The following RAB6A variants were observed in gnomAD, a reference collection of about 807,000 sequenced individuals.
RAB6A encodes ras-related protein Rab-6A.
A neutral mutation model predicts 32.3 loss-of-function variants in RAB6A; 8 were observed. The ratio of observed to expected loss-of-function variants is 0.25; its 90% CI spans 0.15 to 0.45. The LOEUF is 0.45. Ranked by LOEUF, RAB6A falls within the 20% of genes least tolerant of loss-of-function variation. RAB6A has a pLI of 1.00. For synonymous variants in RAB6A, 73 were observed against 82.1 expected, an observed-to-expected ratio of 0.89 and a Z score of 0.60; for missense variants, 104 against 249.4, an observed-to-expected ratio of 0.42 and a Z score of 3.93.
rs185227058 is a variant in RAB6A, at chr11:73,712,511, C to T, written c.401+3740G>A. 9.2e-3 allele frequency among the ~76,000 whole-genome samples: 1,393 copies of T among 151,974 alleles called. 16 individuals are homozygous for T. The highest frequency in any genetic ancestry group is 0.034 in the Middle Eastern group (10 of 294). ...GATTACAGGCACATGCCACCACGCC[C>T]GGCTAATTTTTGTATTTTTAGTAGA... On this transcript the variant is annotated intron_variant, in intron 5 of 7. Transcript: ENST00000336083.
At chr11:73,695,923 G>A (rs1016950037) in intron 6 of RAB6A, among the ~76,000 whole-genome samples, 1 of 152,026 alleles carries the variant, frequency 6.6e-6, no homozygotes, top group African/African-American at 2.4e-5. Flanking sequence ...CATAATTTTA[G>A]GGCTAAAAAT....
chr11:73,724,330 A>C (rs564023536), intron 2 of RAB6A, among the ~76,000 whole-genome samples: 2 of 152,332 alleles, frequency 1.3e-5, no homozygotes, highest in Admixed American at 6.5e-5. Context: ...TCACAAACTG[A>C]CTAAAAGTAA....
intron 6 of RAB6A, among the ~76,000 whole-genome samples, chr11:73,692,719 C>A (rs1483171944): frequency 7.3e-6 from 1 of 137,676 alleles, no homozygotes; most frequent in Non-Finnish European, 1.5e-5. Flanking sequence ...GGGAGGCGGG[C>A]GGATCACAAG....
chr11:73,739,263 T>TTAA lies in RAB6A; in HGVS notation c.71-8441_71-8440insTTA, dbSNP rs1555066890. Among the ~76,000 whole-genome samples, 58 of 9,388 alleles carry TTAA rather than the reference T, an allele frequency of 6.2e-3. 2 individuals are homozygous for TTAA. The highest frequency in any genetic ancestry group is 0.013 in the African/African-American group (36 of 2,802). 6.2% of individuals were successfully genotyped at this position (9,388 alleles called of 152,430 possible). ...GCAAAAAAAAAATAGTAATAATAAT[T>TTAA]AAAAAAAAAAAAAAAAAAAAAATAT... On this transcript the variant is annotated intron_variant, in intron 1 of 7. Coordinates refer to ENST00000336083, the MANE Select transcript of RAB6A (RefSeq NM_198896.2).
intron 6 of RAB6A, among the ~76,000 whole-genome samples, chr11:73,694,357 G>T (rs2134891405): frequency 6.6e-6 from 1 of 152,274 alleles, no homozygotes; most frequent in East Asian, 1.9e-4. Flanking sequence ...TAAGGCTAAA[G>T]AATTTGCCAT....
chr11:73,721,779 C>T (rs1226187375), intron 2 of RAB6A, among the ~76,000 whole-genome samples: 5 of 151,950 alleles, frequency 3.3e-5, no homozygotes, highest in African/African-American at 9.7e-5. Flanking sequence ...TATCTTTGTG[C>T]CATATTCCTT....
At chr11:73,709,578 A>G (rs1201074500) in intron 5 of RAB6A, among the ~76,000 whole-genome samples, 1 of 149,900 alleles carries the variant, frequency 6.7e-6, no homozygotes, top group Admixed American at 6.7e-5. Flanking sequence ...TGAATCTGAC[A>G]TAACCTCAAT....
intron 6 of RAB6A, among the ~76,000 whole-genome samples, chr11:73,701,246 C>T (rs72974866): frequency 0.095 from 14,414 of 152,156 alleles, 813 homozygotes; most frequent in South Asian, 0.27. Context: ...GGTAAAAAGG[C>T]ATGATTTTGT....
At chr11:73,712,742 G>C (rs202181959) in intron 5 of RAB6A, among the ~76,000 whole-genome samples, 1 of 51,108 alleles carries the variant, frequency 2.0e-5, no homozygotes, top group Non-Finnish European at 4.4e-5. Context: ...TTTTTTTTTT[G>C]ACAGTTTCAC....
intron 2 of RAB6A, chr11:73,730,257 A>G (rs1032599419): frequency 6.5e-6 from 1 of 152,770 alleles, no homozygotes; most frequent in African/African-American, 2.4e-5. Context: ...CTTTAGTTGT[A>G]TACCATAAGT....
intron 6 of RAB6A, among the ~76,000 whole-genome samples, chr11:73,703,363 A>T (rs1397675876): frequency 6.6e-6 from 1 of 150,550 alleles, no homozygotes; most frequent in African/African-American, 2.4e-5. Flanking sequence ...AGAATCTGCT[A>T]AAAAAAAATA....
At chr11:73,751,631 T>C (rs1332400247) in intron 1 of RAB6A, among the ~76,000 whole-genome samples, 2 of 152,170 alleles carry the variant, frequency 1.3e-5, no homozygotes, top group Admixed American at 6.6e-5. Flanking sequence ...TAGAAGATAA[T>C]GCTGCTGAGA....
intron 4 of RAB6A, among the ~76,000 whole-genome samples, chr11:73,716,626 A>C (rs1464470813): frequency 6.6e-6 from 1 of 151,294 alleles, no homozygotes; most frequent in Non-Finnish European, 1.5e-5. Flanking sequence ...ACAATGTAGT[A>C]TTTAATTGAA....
rs752325244 is a variant in RAB6A at position 73,679,617 on chromosome 11, T to C, written c.562+37A>G. ...CAAGCAGGGCTCTAAAGACTAGTGT[T>C]AATAATGAAAAATTTCCAATGAAAT... On this transcript the variant is annotated intron_variant, in intron 7 of 7. Transcript: ENST00000336083. 2.5e-6 allele frequency: 4 copies of C among 1,611,432 alleles called. No homozygotes were observed. In the South Asian group the frequency reaches 3.3e-5, roughly 13 times the overall value.
At chr11:73,752,830 A>G (rs1308375196) in intron 1 of RAB6A, among the ~76,000 whole-genome samples, 5 of 152,112 alleles carry the variant, frequency 3.3e-5, no homozygotes, top group African/African-American at 1.2e-4. Flanking sequence ...AAAAAAGAAA[A>G]AAAAAATTAA....
intron 1 of RAB6A, among the ~76,000 whole-genome samples, chr11:73,745,186 T>C (rs1946567691): frequency 6.6e-6 from 1 of 152,144 alleles, no homozygotes; most frequent in Non-Finnish European, 1.5e-5. Context: ...AATGCATTTA[T>C]TTACTAGTTT....
chr11:73,754,154 C>T (rs368937610), intron 1 of RAB6A, among the ~76,000 whole-genome samples: 73 of 152,304 alleles, frequency 4.8e-4, no homozygotes, highest in African/African-American at 1.7e-3. Flanking sequence ...AACATGAAAC[C>T]TAGACTCTTA....
chr11:73,736,854 T>C (rs1283347616), intron 1 of RAB6A, among the ~76,000 whole-genome samples: 2 of 138,630 alleles, frequency 1.4e-5, no homozygotes, highest in Admixed American at 1.5e-4. Flanking sequence ...TGGTACATAC[T>C]GTTGTCCCAG....
chr11:73,700,824 A>C (rs1041956586), intron 6 of RAB6A, among the ~76,000 whole-genome samples: 3 of 152,192 alleles, frequency 2.0e-5, no homozygotes, highest in African/African-American at 7.2e-5. Flanking sequence ...TGTAAGACAG[A>C]AGCAGGACTT....
Sources: allele counts gnomAD v4.1 joint callset (sites outside exome capture counted in the v4.1 genomes callset), GRCh38; gene constraint gnomAD v4.1.1; transcripts MANE v1.5; gene names NCBI Gene and HGNC (gene_info 2026-07-23, HGNC 2026-07-21).